PCDHA12: variants seen among roughly 807,000 people sequenced by gnomAD.
The protein encoded by PCDHA12 is protocadherin alpha-12.
PCDHA12 carries 44 observed loss-of-function variants against 60.0 expected under a neutral mutation model. The ratio of observed to expected loss-of-function variants is 0.73; its 90% CI spans 0.58 to 0.94. PCDHA12 has a LOEUF of 0.94. PCDHA12 is among the 40% of genes least tolerant of loss of function. The probability of loss-of-function intolerance (pLI) is 0.00; values close to 1 mark genes in which losing one functional copy is unlikely to be tolerated. For missense variants in PCDHA12, 1,276 were observed against 1,239.7 expected (o/e 1.03, Z -0.44); for synonymous variants, 569 against 553.0 (o/e 1.03, Z -0.40).
intron 1 of PCDHA12, chr5:140,882,471 C>A: frequency 6.2e-7 from 1 of 1,614,024 alleles, no homozygotes; most frequent in African/African-American, 1.3e-5. Flanking sequence ...CGGGTGGCGT[C>A]CAAAAGACAC....
chr5:140,881,335 C>T (rs2153378731), intron 1 of PCDHA12: 2 of 984,916 alleles, frequency 2.0e-6, no homozygotes, highest in South Asian at 4.7e-5. Context: ...ACCAGGACGC[C>T]GATTCGGGCT....
chr5:140,894,886 G>T (rs2153448289), intron 1 of PCDHA12, among the ~76,000 whole-genome samples: 1 of 152,202 alleles, frequency 6.6e-6, no homozygotes, highest in South Asian at 2.1e-4. Flanking sequence ...AGAAGAAACA[G>T]ACCAGGATAA....
chr5:140,875,738 G>T lies in PCDHA12; in HGVS notation c.266G>T (p.Arg89Leu), dbSNP rs1197047985. 12 of 1,614,086 alleles carry T rather than the reference G, an allele frequency of 7.4e-6. No homozygotes were observed. The highest frequency in any genetic ancestry group is 3.3e-5 in the Admixed American group (2 of 60,008). ...AATGGCATTTTGTTTGTGAATTCTC[G>T]GATCGACCGCGAGAAGCTGTGCGGG... ...LQNGILFVNS[R>L]IDREKLCGRS... The change falls in exon 1 of 4, where the codon CGG (arginine) becomes CTG (leucine). Residue 89 changes from arginine (R) to leucine (L), a missense_variant. Coordinates refer to ENST00000398631, the MANE Select transcript of PCDHA12 (RefSeq NM_018903.4).
chr5:140,966,906 C>A, intron 1 of PCDHA12: 1 of 1,600,938 alleles, frequency 6.2e-7, no homozygotes, highest in African/African-American at 1.3e-5. Flanking sequence ...CTGCGATACT[C>A]TGTGCCAGAG....
chr5:140,906,718 G>C (rs1554192673), intron 1 of PCDHA12, among the ~76,000 whole-genome samples: 1 of 152,140 alleles, frequency 6.6e-6, no homozygotes, highest in Admixed American at 6.5e-5. Flanking sequence ...TGCCTGGATT[G>C]TGCTGTTGTA....
intron 1 of PCDHA12, among the ~76,000 whole-genome samples, chr5:140,965,464 C>T (rs987279720): frequency 1.3e-5 from 2 of 151,782 alleles, no homozygotes; most frequent in Admixed American, 1.3e-4. Context: ...AAGATAAATC[C>T]CAGACTCCCA....
chr5:140,910,976 A>G (rs1265082758), intron 1 of PCDHA12, among the ~76,000 whole-genome samples: 1 of 152,058 alleles, frequency 6.6e-6, no homozygotes, highest in Non-Finnish European at 1.5e-5. Context: ...CTCATGGGTT[A>G]TACTCTGAAC....
chr5:140,990,852 A>T (rs1265916406), intron 3 of PCDHA12, among the ~76,000 whole-genome samples: 2 of 152,198 alleles, frequency 1.3e-5, no homozygotes, highest in Non-Finnish European at 1.5e-5. Context: ...TAGAGCCCTG[A>T]GGACATTGTA....
rs2055668574 is a variant in PCDHA12, at chr5:140,875,638, C to G, written c.166C>G (p.Leu56Val). 1 of 1,613,532 alleles carries G rather than the reference C, an allele frequency of 6.2e-7. No homozygotes were observed. Among genetic ancestry groups the G allele is most frequent in the Non-Finnish European group, 8.5e-7 (1 of 1,180,014 alleles). The change falls in exon 1 of 4, where the codon CTG becomes GTG. Residue 56 changes from leucine to valine, a missense_variant. By Grantham distance (32) the Leu-to-Val change is conservative. Transcript: ENST00000398631. Reference sequence around the variant, plus strand: ...CATCGCTCAGGACCTGGGGCTGGAGCTGGCGGAGCTGGTGCCGCGCCTGTT... The same window carrying G: ...CATCGCTCAGGACCTGGGGCTGGAGGTGGCGGAGCTGGTGCCGCGCCTGTT... Reference protein sequence around the residue: ...GRIAQDLGLELAELVPRLFRV... With the variant: ...GRIAQDLGLEVAELVPRLFRV...
intron 1 of PCDHA12, among the ~76,000 whole-genome samples, chr5:140,942,409 TAAA>T (rs78736997): frequency 7.0e-6 from 1 of 143,620 alleles, no homozygotes; most frequent in Non-Finnish European, 1.5e-5. Context: ...AGACTCTGTT[TAAA>T]AAAAAAAAAG....
chr5:140,985,739 C>CTTTT (rs11372071), intron 3 of PCDHA12, among the ~76,000 whole-genome samples: 9 of 117,918 alleles, frequency 7.6e-5, no homozygotes, highest in East Asian at 2.5e-4. Flanking sequence ...TGATGAATTC[C>CTTTT]TTTTTTTTTT....
At chr5:140,976,782 A>G (rs1209900673) in intron 1 of PCDHA12, among the ~76,000 whole-genome samples, 1 of 152,212 alleles carries the variant, frequency 6.6e-6, no homozygotes, top group African/African-American at 2.4e-5. Flanking sequence ...CTGACTATAT[A>G]GCTACGCTTT....
intron 1 of PCDHA12, among the ~76,000 whole-genome samples, chr5:140,936,138 C>G (rs1396548448): frequency 6.6e-6 from 1 of 152,074 alleles, no homozygotes; most frequent in African/African-American, 2.4e-5. Context: ...AGTGATCTGC[C>G]CGCCTTGGCC....
intron 1 of PCDHA12, among the ~76,000 whole-genome samples, chr5:140,903,405 G>A (rs2070271184): frequency 6.6e-6 from 1 of 152,184 alleles, no homozygotes; most frequent in Non-Finnish European, 1.5e-5. Flanking sequence ...CAGTAGTGCA[G>A]TCAGGAAAAA....
chr5:141,000,395 C>CTCTCTATA (rs1213762225), intron 3 of PCDHA12, among the ~76,000 whole-genome samples: 1 of 53,986 alleles, frequency 1.9e-5, no homozygotes, highest in Non-Finnish European at 3.2e-5. Flanking sequence ...CTCTCTCTCT[C>CTCTCTATA]TATATATATA....
intron 1 of PCDHA12, chr5:140,926,329 A>G (rs1435633972): frequency 6.6e-6 from 1 of 152,150 alleles, no homozygotes; most frequent in Non-Finnish European, 1.5e-5. Flanking sequence ...CCGGGGTCAG[A>G]GCGCCGGGAC....
intron 1 of PCDHA12, among the ~76,000 whole-genome samples, chr5:140,913,939 A>G (rs1175115466): frequency 1.3e-5 from 2 of 152,116 alleles, no homozygotes. Flanking sequence ...TCAGAGAAGA[A>G]TCTTGATATG....
chr5:141,010,696 C>A lies in PCDHA12; in HGVS notation c.*759C>A. ...AAACAGAAGCAGATCTGATGTGTTT[C>A]CTATACATGTCCTGTGCTCACTTTA... On this transcript the variant is annotated 3_prime_UTR_variant, in exon 4 of 4. Transcript: ENST00000398631. The A allele has an allele frequency of 6.3e-6, 1 of 159,082 alleles. No individual in the cohort carries two copies. The highest frequency in any genetic ancestry group is 1.4e-5 in the Non-Finnish European group (1 of 71,522). 9.9% of individuals were successfully genotyped at this position (159,082 alleles called of 1,614,324 possible).
intron 1 of PCDHA12, chr5:140,927,292 C>A: frequency 6.2e-7 from 1 of 1,614,162 alleles, no homozygotes; most frequent in East Asian, 2.2e-5. Flanking sequence ...GCTGCACATC[C>A]CCGAGTTCCT....
Sources: allele counts gnomAD v4.1 joint callset (sites outside exome capture counted in the v4.1 genomes callset), GRCh38; gene constraint gnomAD v4.1.1; transcripts MANE v1.5; gene names NCBI Gene and HGNC (gene_info 2026-07-23, HGNC 2026-07-21).